The following HIKESHI variants were observed in gnomAD, a reference collection of about 807,000 sequenced individuals.
HIKESHI encodes the protein heat shock protein nuclear import factor hikeshi, also known as protein Hikeshi.
A neutral mutation model predicts 25.7 loss-of-function variants in HIKESHI; 13 were observed. That is an observed-to-expected ratio of 0.51 (90% confidence interval 0.33 to 0.80). HIKESHI has a LOEUF of 0.80. HIKESHI is among the 30% of genes least tolerant of loss of function. The pLI is 0.02. For synonymous variants in HIKESHI, 76 were observed against 78.7 expected (o/e 0.97, Z 0.18); for missense variants, 174 against 229.5 (o/e 0.76, Z 1.56).
intron 2 of HIKESHI, among the ~76,000 whole-genome samples, chr11:86,328,230 A>G (rs886178318): frequency 6.6e-6 from 1 of 152,122 alleles, no homozygotes; most frequent in African/African-American, 2.4e-5. Context: ...TTCCTAAAGT[A>G]AATTTAAGGA....
intron 1 of HIKESHI, among the ~76,000 whole-genome samples, chr11:86,305,361 T>A (rs1946596109): frequency 6.6e-6 from 1 of 152,066 alleles, no homozygotes; most frequent in East Asian, 1.9e-4. Context: ...CCTTTCATTT[T>A]TACAACATTC....
intron 2 of HIKESHI, among the ~76,000 whole-genome samples, chr11:86,335,259 C>T (rs974373990): frequency 1.3e-5 from 2 of 152,110 alleles, no homozygotes; most frequent in Admixed American, 1.3e-4. Context: ...TGGAACTCTT[C>T]ATGGAAAAGT....
chr11:86,324,146 C>G (rs1408666137), intron 2 of HIKESHI: 3 of 152,098 alleles, frequency 2.0e-5, no homozygotes, highest in Non-Finnish European at 2.9e-5. Flanking sequence ...CTTAGGCAAC[C>G]TGATGGTCTC....
chr11:86,337,467 C>T lies in HIKESHI; in HGVS notation c.357C>T (p.Asp119=), dbSNP rs1267494011. ...TTGGAATTTCAGTGGAATTATTAGA[C>T]AGTATGGCTCAGCAGACTCCTGTAG... ...AQIGISVELL[D]SMAQQTPVGN... The change falls in exon 3 of 5, where the codon GAC becomes GAT. Residue 119 remains aspartate (D), a synonymous_variant. Coordinates refer to ENST00000278483, the MANE Select transcript of HIKESHI (RefSeq NM_016401.4). 1.9e-6 allele frequency: 3 copies of T among 1,614,062 alleles called. No homozygotes were observed. Among genetic ancestry groups the T allele is most frequent in the African/African-American group, 1.3e-5 (1 of 75,032 alleles).
At chr11:86,304,833 A>G (rs1946580737) in intron 1 of HIKESHI, among the ~76,000 whole-genome samples, 2 of 150,944 alleles carry the variant, frequency 1.3e-5, no homozygotes, top group South Asian at 4.2e-4. Context: ...CACATTTTTT[A>G]CTACTGTTCA....
chr11:86,328,507 A>C (rs896036308), intron 2 of HIKESHI, among the ~76,000 whole-genome samples: 1 of 145,850 alleles, frequency 6.9e-6, no homozygotes, highest in African/African-American at 2.6e-5. Context: ...AACCTCTTGG[A>C]GTTGTATGCT....
chr11:86,308,265 ATGTGTAT>A (rs1565720479), intron 2 of HIKESHI, among the ~76,000 whole-genome samples: 5 of 84,128 alleles, frequency 5.9e-5, no homozygotes, highest in African/African-American at 1.1e-4. Context: ...TACATATAAA[ATGTGTAT>A]TATATATAAA....
In HIKESHI at chr11:86,307,013, AT is replaced by A. The variant is rs200266784; in HGVS notation, c.268+532del. ...AGACTCTGTCTCAAAGAAAAAAAAA[AT>A]ATATATATATATATAAATATATATA... is the stretch of plus-strand genomic sequence containing the variant. On this transcript the variant is annotated intron_variant, in intron 2 of 4. Coordinates refer to ENST00000278483, the MANE Select transcript of HIKESHI (RefSeq NM_016401.4). Among the ~76,000 whole-genome samples, 521 of 134,958 alleles carry A rather than the reference AT, an allele frequency of 3.9e-3. 24 individuals carry two copies. The highest frequency in any genetic ancestry group is 8.9e-3 in the African/African-American group (320 of 35,784). The allele number at this position is 134,958 out of a possible 152,430, so 88.5% of individuals were successfully genotyped here.
intron 3 of HIKESHI, among the ~76,000 whole-genome samples, chr11:86,339,242 G>A (rs1178417933): frequency 6.6e-6 from 1 of 152,166 alleles, no homozygotes; most frequent in Non-Finnish European, 1.5e-5. Flanking sequence ...TAGAGATGGG[G>A]TTTCGCCGTG....
chr11:86,322,043 A>C (rs758952240), intron 2 of HIKESHI, among the ~76,000 whole-genome samples: 1 of 152,154 alleles, frequency 6.6e-6, no homozygotes, highest in African/African-American at 2.4e-5. Context: ...GCTGGAGTGC[A>C]GTGGTGCCAT....
At chr11:86,305,874 G>A (rs1459005990) in intron 1 of HIKESHI, among the ~76,000 whole-genome samples, 1 of 152,008 alleles carries the variant, frequency 6.6e-6, no homozygotes, top group East Asian at 1.9e-4. Context: ...CCGAGTAGCT[G>A]GGAATACTTA....
chr11:86,307,003 G>C (rs1229242861), intron 2 of HIKESHI, among the ~76,000 whole-genome samples: 1 of 112,698 alleles, frequency 8.9e-6, no homozygotes, highest in African/African-American at 3.2e-5. Flanking sequence ...CTGTCTCAAA[G>C]AAAAAAAAAA....
At chr11:86,329,026 G>C (rs1947354889) in intron 2 of HIKESHI, among the ~76,000 whole-genome samples, 1 of 151,554 alleles carries the variant, frequency 6.6e-6, no homozygotes, top group Non-Finnish European at 1.5e-5. Flanking sequence ...AAATTTTGAT[G>C]GGTTCCAAAA....
chr11:86,333,284 C>T (rs2138390964), intron 2 of HIKESHI, among the ~76,000 whole-genome samples: 1 of 151,966 alleles, frequency 6.6e-6, no homozygotes, highest in African/African-American at 2.4e-5. Flanking sequence ...GTCTGTAATC[C>T]CAGCACTTTG....
At chr11:86,332,596 C>T (rs1947453301) in intron 2 of HIKESHI, among the ~76,000 whole-genome samples, 1 of 152,086 alleles carries the variant, frequency 6.6e-6, no homozygotes, top group African/African-American at 2.4e-5. Context: ...TTTGTTATTT[C>T]ATCCAGGAAA....
rs2138304570 is a variant in HIKESHI, at chr11:86,309,460, C to T, written c.268+2978C>T. On this transcript the variant is annotated intron_variant, in intron 2 of 4. Coordinates refer to ENST00000278483, the MANE Select transcript of HIKESHI (RefSeq NM_016401.4). ...AATTTGTTTAAGTTCTTTGTAGATTCTGGATATTAGCCCTTTGTCAGATGG... is the reference window on the plus strand; with the variant it reads ...AATTTGTTTAAGTTCTTTGTAGATTTTGGATATTAGCCCTTTGTCAGATGG... 2.0e-5 allele frequency among the ~76,000 whole-genome samples: 3 copies of T among 152,156 alleles called. No individual in the cohort carries two copies. In the South Asian group the frequency reaches 6.2e-4, roughly 32 times the overall value.
At chr11:86,334,653 A>G (rs1329156479) in intron 2 of HIKESHI, among the ~76,000 whole-genome samples, 1 of 152,198 alleles carries the variant, frequency 6.6e-6, no homozygotes, top group Non-Finnish European at 1.5e-5. Context: ...ATCAAACGGT[A>G]GAGTAAGGAG....
intron 2 of HIKESHI, among the ~76,000 whole-genome samples, chr11:86,321,846 C>T (rs1246092187): frequency 6.6e-6 from 1 of 152,012 alleles, no homozygotes; most frequent in Admixed American, 6.6e-5. Context: ...TACATTTCAA[C>T]CAAGAGTGTA....
At chr11:86,333,568 AAG>A (rs1254048128) in intron 2 of HIKESHI, among the ~76,000 whole-genome samples, 2 of 151,692 alleles carry the variant, frequency 1.3e-5, no homozygotes, top group African/African-American at 4.8e-5. Flanking sequence ...AAAAAAAAAA[AAG>A]AAAAGAAATA....
Sources: gnomAD v4.1 joint callset for allele counts (sites outside exome capture counted in the v4.1 genomes callset) on GRCh38, gnomAD v4.1.1 for gene constraint, MANE v1.5 for transcripts, NCBI Gene and HGNC (gene_info 2026-07-23, HGNC 2026-07-21) for gene names.